Variants in HS6ST3 observed in about 807,000 individuals in gnomAD.
HS6ST3 encodes heparan sulfate 6-O-sulfotransferase 3.
HS6ST3 carries 12 observed loss-of-function variants against 36.7 expected under a neutral mutation model. That is an observed-to-expected ratio of 0.33 (90% CI 0.21 to 0.53). The LOEUF (loss-of-function observed/expected upper bound fraction) is 0.53, where lower values mean the gene tolerates loss of function less well. Among genes scored for constraint, HS6ST3 ranks in the 20% least tolerant of loss-of-function variants. HS6ST3 has a pLI of 0.95. For missense variants in HS6ST3, 584 were observed against 640.9 expected (o/e 0.91, Z 0.96); for synonymous variants, 240 against 257.5 (o/e 0.93, Z 0.65).
intron 1 of HS6ST3, among the ~76,000 whole-genome samples, chr13:96,284,237 T>C (rs1015855734): frequency 2.0e-5 from 3 of 152,064 alleles, no homozygotes. Context: ...GATGTATATA[T>C]GAAGGGGAGT....
At chr13:96,325,846 T>A (rs189563536) in intron 1 of HS6ST3, among the ~76,000 whole-genome samples, 1 of 152,350 alleles carries the variant, frequency 6.6e-6, no homozygotes, top group Non-Finnish European at 1.5e-5. Context: ...ACTTTAACGT[T>A]AGTAAGTAGT....
intron 1 of HS6ST3, among the ~76,000 whole-genome samples, chr13:96,803,551 A>ATGTTT (rs1252594408): frequency 6.6e-6 from 1 of 152,126 alleles, no homozygotes. Flanking sequence ...ATGAGAAAAT[A>ATGTTT]TGTTTTGTTT....
chr13:96,167,482 G>A (rs1057155661), intron 1 of HS6ST3, among the ~76,000 whole-genome samples: 1 of 152,058 alleles, frequency 6.6e-6, no homozygotes, highest in African/African-American at 2.4e-5. Flanking sequence ...TTTCCTCATC[G>A]CCCAAGAATC....
intron 1 of HS6ST3, among the ~76,000 whole-genome samples, chr13:96,127,938 A>G (rs1388669468): frequency 6.6e-6 from 1 of 152,214 alleles, no homozygotes; most frequent in Non-Finnish European, 1.5e-5. Flanking sequence ...AGGTTTTGAA[A>G]TAAGATCCCC....
intron 1 of HS6ST3, among the ~76,000 whole-genome samples, chr13:96,320,689 G>A (rs924097536): frequency 2.5e-4 from 38 of 152,200 alleles, no homozygotes; most frequent in African/African-American, 8.7e-4. Flanking sequence ...ACTGTCAACA[G>A]CTGCTAGCCC....
chr13:96,194,619 G>T (rs2054303572), intron 1 of HS6ST3, among the ~76,000 whole-genome samples: 1 of 152,116 alleles, frequency 6.6e-6, no homozygotes, highest in Non-Finnish European at 1.5e-5. Flanking sequence ...TGTGTGTGGA[G>T]TAGAGGGTAC....
At position 96,225,963 on chromosome 13, in the gene HS6ST3, A is replaced by G. The variant is rs76194599; in HGVS notation, c.707+134394A>G. On this transcript the variant is annotated intron_variant, in intron 1 of 1. Coordinates refer to ENST00000376705, the MANE Select transcript of HS6ST3 (RefSeq NM_153456.4). Reference sequence around the variant, plus strand: ...GGAAATTTGGTTTATGGTCTTGCCAATGACTCACTGATCTTAGTTAAGTGC... The same window carrying G: ...GGAAATTTGGTTTATGGTCTTGCCAGTGACTCACTGATCTTAGTTAAGTGC... Among the ~76,000 whole-genome samples, 29 of 152,222 alleles carry G rather than the reference A, an allele frequency of 1.9e-4. No individual in the cohort carries two copies. The East Asian group carries it at 2.1e-3, about 11-fold the overall frequency.
chr13:96,779,769 TA>T (rs35417653), intron 1 of HS6ST3, among the ~76,000 whole-genome samples: 23,670 of 141,174 alleles, frequency 0.17, 2,492 homozygotes, highest in African/African-American at 0.32. Context: ...TATATTTACT[TA>T]AAAAAAAAAA....
intron 1 of HS6ST3, among the ~76,000 whole-genome samples, chr13:96,818,421 GT>G (rs1266990648): frequency 1.3e-5 from 2 of 152,114 alleles, no homozygotes; most frequent in African/African-American, 4.8e-5. Context: ...GCATAATTTG[GT>G]TTTCCCTAGA....
At chr13:96,790,691 G>C (rs1248172790) in intron 1 of HS6ST3, among the ~76,000 whole-genome samples, 1 of 151,920 alleles carries the variant, frequency 6.6e-6, no homozygotes, top group Non-Finnish European at 1.5e-5. Flanking sequence ...AAGACATTCT[G>C]TTAAAAAATA....
At chr13:96,243,455 T>G (rs1370370228) in intron 1 of HS6ST3, among the ~76,000 whole-genome samples, 3 of 152,242 alleles carry the variant, frequency 2.0e-5, no homozygotes, top group African/African-American at 7.2e-5. Context: ...TTATTTTGAC[T>G]AATGAAACTT....
At chr13:96,320,990 G>C (rs557831543) in intron 1 of HS6ST3, among the ~76,000 whole-genome samples, 1 of 152,196 alleles carries the variant, frequency 6.6e-6, no homozygotes, top group Non-Finnish European at 1.5e-5. Context: ...CCTGGGGCTG[G>C]TGCATGCAGG....
chr13:96,169,751 T>A (rs1423668008), intron 1 of HS6ST3: 2 of 152,238 alleles, frequency 1.3e-5, no homozygotes, highest in East Asian at 3.9e-4. Flanking sequence ...TGGGGCCAAA[T>A]GGAGCTGATC....
intron 1 of HS6ST3, among the ~76,000 whole-genome samples, chr13:96,829,029 G>A (rs1878710381): frequency 6.6e-6 from 1 of 152,142 alleles, no homozygotes; most frequent in Admixed American, 6.5e-5. Flanking sequence ...CTTTTCCATT[G>A]ATTTAGCTTC....
intron 1 of HS6ST3, among the ~76,000 whole-genome samples, chr13:96,120,143 G>A (rs1325988542): frequency 6.6e-6 from 1 of 152,200 alleles, no homozygotes; most frequent in African/African-American, 2.4e-5. Flanking sequence ...AGAGGTTGGA[G>A]TTATGCAGCT....
At chr13:96,589,780 T>A (rs1464974070) in intron 1 of HS6ST3, among the ~76,000 whole-genome samples, 1 of 152,128 alleles carries the variant, frequency 6.6e-6, no homozygotes, top group Non-Finnish European at 1.5e-5. Context: ...CTAGGTCTTA[T>A]TCATTCTTTC....
intron 1 of HS6ST3, among the ~76,000 whole-genome samples, chr13:96,279,419 TAGG>T (rs973245984): frequency 3.9e-5 from 6 of 152,172 alleles, no homozygotes; most frequent in Admixed American, 2.6e-4. Flanking sequence ...AGTTGAGGAC[TAGG>T]AGAATATAGA....
chr13:96,591,804 C>T (rs1018362265), intron 1 of HS6ST3, among the ~76,000 whole-genome samples: 1 of 151,990 alleles, frequency 6.6e-6, no homozygotes, highest in Non-Finnish European at 1.5e-5. Context: ...TTAGTTTTCC[C>T]CCATTCAGTA....
chr13:96,661,784 G>T (rs1431016983), intron 1 of HS6ST3, among the ~76,000 whole-genome samples: 1 of 152,098 alleles, frequency 6.6e-6, no homozygotes, highest in African/African-American at 2.4e-5. Flanking sequence ...TGTGGGTCCG[G>T]TCTATTGGTG....
Sources: allele counts gnomAD v4.1 joint callset (sites outside exome capture counted in the v4.1 genomes callset), GRCh38; gene constraint gnomAD v4.1.1; transcripts MANE v1.5; gene names NCBI Gene and HGNC (gene_info 2026-07-23, HGNC 2026-07-21).